The following DAW1 variants were observed in gnomAD, a reference collection of about 807,000 sequenced individuals.
DAW1 encodes dynein assembly factor with WD repeat domains 1.
A neutral mutation model predicts 56.5 loss-of-function variants in DAW1; 47 were observed. That is an observed-to-expected ratio of 0.83 (90% CI 0.66 to 1.06). The LOEUF is 1.06. Among genes scored for constraint, DAW1 ranks in the 50% least tolerant of loss-of-function variants. The probability of loss-of-function intolerance (pLI) is 0.00; values close to 1 mark genes in which losing one functional copy is unlikely to be tolerated. For synonymous variants in DAW1, 190 were observed against 179.0 expected (o/e 1.06, Z -0.49); for missense variants, 505 against 499.3 (o/e 1.01, Z -0.11).
At chr2:227,912,139 T>C (rs1263642053) in intron 10 of DAW1, 1 of 363,440 alleles carries the variant, frequency 2.8e-6, no homozygotes, top group Non-Finnish European at 5.4e-6. Context: ...GTGTGTACAT[T>C]GTCTTTTCTG....
chr2:227,904,729 T>C (rs1300840330), intron 7 of DAW1, among the ~76,000 whole-genome samples, 200 bp from the exon 8 acceptor site: 1 of 152,166 alleles, frequency 6.6e-6, no homozygotes, highest in Non-Finnish European at 1.5e-5. Context: ...TACCAAAACC[T>C]AGTTTTCAAA....
At chr2:227,884,639 T>G (rs191726874) in intron 1 of DAW1, among the ~76,000 whole-genome samples, 1 of 152,300 alleles carries the variant, frequency 6.6e-6, no homozygotes, top group Admixed American at 6.5e-5. Context: ...GTAGGCCTGC[T>G]GTCACTGAGT....
chr2:227,889,318 C>T (rs1006805825), intron 2 of DAW1, among the ~76,000 whole-genome samples: 1 of 152,118 alleles, frequency 6.6e-6, no homozygotes, highest in East Asian at 1.9e-4. Flanking sequence ...ACAAGTTTGG[C>T]ATCTGATGAG....
intron 1 of DAW1, among the ~76,000 whole-genome samples, chr2:227,882,345 G>C (rs550556158): frequency 2.6e-5 from 4 of 152,176 alleles, no homozygotes; most frequent in Non-Finnish European, 5.9e-5. Flanking sequence ...AGGTGAAACT[G>C]CTGGTGCCTT....
intron 10 of DAW1, chr2:227,912,175 C>A (rs1691841529): frequency 1.9e-5 from 7 of 367,924 alleles, no homozygotes; most frequent in South Asian, 1.2e-4. Context: ...TTACATTCTG[C>A]CTCATCTCCA....
At chr2:227,918,913 G>A (rs1046181263) in intron 11 of DAW1, 57 bp downstream of exon 11, 3 of 1,561,582 alleles carry the variant, frequency 1.9e-6, no homozygotes, top group Admixed American at 1.7e-5. Context: ...AAAGAGCAGG[G>A]CCCAGGTGCA....
chr2:227,878,456 G>A (rs753260437), intron 1 of DAW1, among the ~76,000 whole-genome samples: 3 of 152,204 alleles, frequency 2.0e-5, no homozygotes, highest in Non-Finnish European at 4.4e-5. Flanking sequence ...GCATGGTGGT[G>A]CCTGCCTTTA....
In DAW1 at chr2:227,879,006, G is replaced by GA. The variant is rs540422223; in HGVS notation, c.41-6343dup. ...TTCACCATGTTGCCAGGCTGGTCTT[G>GA]AACTCCTGGCCTCAAGTGACCTGCC... is the stretch of plus-strand genomic sequence containing the variant. On this transcript the variant is annotated intron_variant, in intron 1 of 12. Transcript: ENST00000309931. Among the ~76,000 whole-genome samples the GA allele has an allele frequency of 5.2e-4, 79 of 152,018 alleles. 2 individuals are homozygous for GA. In the South Asian group the frequency reaches 0.012, roughly 22 times the overall value.
intron 1 of DAW1, chr2:227,872,541 A>T (rs1690781503): frequency 6.6e-6 from 1 of 152,072 alleles, no homozygotes; most frequent in Non-Finnish European, 1.5e-5. Context: ...TAGAGATCTC[A>T]TGATTTCTTT....
chr2:227,889,806 T>G, intron 2 of DAW1, 50 bp from the exon 3 acceptor site: 2 of 1,495,410 alleles, frequency 1.3e-6, no homozygotes, highest in Non-Finnish European at 1.8e-6. Flanking sequence ...TATAGGTATA[T>G]GCAAATTTTG....
intron 1 of DAW1, among the ~76,000 whole-genome samples, chr2:227,872,847 C>G (rs899449495): frequency 6.6e-6 from 1 of 152,156 alleles, no homozygotes; most frequent in Admixed American, 6.5e-5. Flanking sequence ...TTCCAGCCAC[C>G]ATTCCCTTTG....
At chr2:227,897,730 G>A (rs755016666) in intron 5 of DAW1, among the ~76,000 whole-genome samples, 31 of 152,236 alleles carry the variant, frequency 2.0e-4, no homozygotes, top group South Asian at 4.1e-4. Flanking sequence ...GACAAGCACC[G>A]TCTAAATTCT....
intron 10 of DAW1, among the ~76,000 whole-genome samples, chr2:227,907,569 A>T (rs184711529): frequency 5.3e-5 from 8 of 152,144 alleles, no homozygotes; most frequent in Admixed American, 3.3e-4. Flanking sequence ...TTATTTTGAG[A>T]TGGAGTCTCA....
chr2:227,921,746 G>A (rs531267062), intron 12 of DAW1, among the ~76,000 whole-genome samples, 185 bp downstream of exon 12: 66 of 152,240 alleles, frequency 4.3e-4, no homozygotes, highest in African/African-American at 1.5e-3. Context: ...AGGAGTGAGC[G>A]CTGCCATTGA....
At chr2:227,912,436 A>T in intron 10 of DAW1, 1 of 1,304,806 alleles carries the variant, frequency 7.7e-7, no homozygotes. Flanking sequence ...CGTGATGCTA[A>T]ACTATGCCTG....
intron 12 of DAW1, among the ~76,000 whole-genome samples, chr2:227,923,695 G>T (rs1309057847): frequency 3.3e-5 from 5 of 151,840 alleles, no homozygotes; most frequent in African/African-American, 9.7e-5. Flanking sequence ...TCTTGCTAGT[G>T]TAAGTAAGCA....
intron 1 of DAW1, among the ~76,000 whole-genome samples, chr2:227,881,743 C>CT (rs541800966): frequency 0.16 from 12,530 of 78,638 alleles, 2,291 homozygotes; most frequent in Non-Finnish European, 0.2. Context: ...CTGCCACATT[C>CT]TTTTTTTTTT....
intron 1 of DAW1, among the ~76,000 whole-genome samples, chr2:227,875,725 T>C (rs979789127): frequency 2.0e-5 from 3 of 152,342 alleles, no homozygotes; most frequent in African/African-American, 7.2e-5. Context: ...TTGTCTTTTC[T>C]CCTTGGGGCT....
chr2:227,879,164 C>T (rs1291618078), intron 1 of DAW1, among the ~76,000 whole-genome samples: 2 of 152,124 alleles, frequency 1.3e-5, no homozygotes, highest in Non-Finnish European at 2.9e-5. Context: ...GAGCCTCATC[C>T]CCCTGAAGAT....
Sources: gnomAD v4.1 joint callset for allele counts (sites outside exome capture counted in the v4.1 genomes callset) on GRCh38, gnomAD v4.1.1 for gene constraint, MANE v1.5 for transcripts, NCBI Gene and HGNC (gene_info 2026-07-23, HGNC 2026-07-21) for gene names.